PTPRD: variants seen among roughly 807,000 people sequenced by gnomAD.
PTPRD encodes the protein receptor-type tyrosine-protein phosphatase delta.
PTPRD carries 34 observed loss-of-function variants against 214.5 expected under a neutral mutation model. The ratio of observed to expected loss-of-function variants is 0.16; its 90% confidence interval spans 0.12 to 0.21. PTPRD has a LOEUF of 0.21. Ranked by LOEUF, PTPRD falls within the 10% of genes least tolerant of loss-of-function variation. PTPRD has a pLI of 1.00. For missense variants in PTPRD, 2,545 were observed against 2,398.7 expected, an observed-to-expected ratio of 1.06 and a Z score of -1.27; for synonymous variants, 1,128 against 845.7, an observed-to-expected ratio of 1.33 and a Z score of -5.79.
intron 10 of PTPRD, among the ~76,000 whole-genome samples, chr9:9,044,538 T>C: frequency 6.6e-6 from 1 of 152,224 alleles, no homozygotes; most frequent in East Asian, 1.9e-4. Context: ...TAGGCATTTC[T>C]GTTTCTTCCA....
chr9:10,147,732 T>C (rs2099033243), intron 3 of PTPRD, among the ~76,000 whole-genome samples: 1 of 151,974 alleles, frequency 6.6e-6, no homozygotes, highest in South Asian at 2.1e-4. Flanking sequence ...ATAGAAAAAT[T>C]AGCCAGGCAT....
chr9:9,106,722 G>C (rs1217340404), intron 10 of PTPRD, among the ~76,000 whole-genome samples: 1 of 150,994 alleles, frequency 6.6e-6, no homozygotes, highest in Non-Finnish European at 1.5e-5. Flanking sequence ...CTCTGTAGTT[G>C]GTGATTTAAA....
chr9:8,483,576 C>A (rs1260189068), intron 30 of PTPRD, among the ~76,000 whole-genome samples: 1 of 152,104 alleles, frequency 6.6e-6, no homozygotes. Context: ...CACGGTGAAA[C>A]CCGGTCTCTA....
chr9:8,658,511 C>T (rs2096959926), intron 12 of PTPRD, among the ~76,000 whole-genome samples: 1 of 151,974 alleles, frequency 6.6e-6, no homozygotes, highest in African/African-American at 2.4e-5. Context: ...TCTATTAGTA[C>T]CAGTAGCCAA....
chr9:10,514,761 A>C (rs758487559), intron 2 of PTPRD, among the ~76,000 whole-genome samples: 1 of 152,046 alleles, frequency 6.6e-6, no homozygotes, highest in Non-Finnish European at 1.5e-5. Context: ...TTTGTTGTTG[A>C]TGTATCCAGA....
At chr9:8,670,603 C>T (rs963301533) in intron 12 of PTPRD, among the ~76,000 whole-genome samples, 5 of 152,112 alleles carry the variant, frequency 3.3e-5, no homozygotes, top group Admixed American at 2.0e-4. Flanking sequence ...CCCATACTTT[C>T]GCGTTCTAAA....
intron 9 of PTPRD, among the ~76,000 whole-genome samples, chr9:9,274,050 A>G (rs778973393): frequency 2.0e-4 from 30 of 151,338 alleles, no homozygotes; most frequent in Non-Finnish European, 2.2e-4. Context: ...TTTTATGAAC[A>G]GGTCTTGCAC....
chr9:9,930,246 G>A (rs186566443), intron 5 of PTPRD, among the ~76,000 whole-genome samples: 1 of 152,252 alleles, frequency 6.6e-6, no homozygotes, highest in East Asian at 1.9e-4. Context: ...ATTAGAGTGT[G>A]CCTTTGGTTA....
chr9:9,030,258 ACAT>A (rs2099600311), intron 10 of PTPRD, among the ~76,000 whole-genome samples: 1 of 131,746 alleles, frequency 7.6e-6, no homozygotes, highest in African/African-American at 2.9e-5. Context: ...CCTTTGGATC[ACAT>A]GGGCCACACT....
chr9:9,453,328 A>G (rs1000012064), intron 8 of PTPRD, among the ~76,000 whole-genome samples: 4 of 151,382 alleles, frequency 2.6e-5, no homozygotes, highest in Non-Finnish European at 5.9e-5. Flanking sequence ...ATAAGCAAAT[A>G]TTAAAAGTAA....
chr9:8,507,106 T>C (rs1420812061), intron 22 of PTPRD, among the ~76,000 whole-genome samples, 195 bp downstream of exon 22: 1 of 152,078 alleles, frequency 6.6e-6, no homozygotes, highest in Non-Finnish European at 1.5e-5. Flanking sequence ...AAATAACCAC[T>C]GTTTTTTGTC....
intron 12 of PTPRD, among the ~76,000 whole-genome samples, chr9:8,704,106 C>A (rs1375186291): frequency 1.3e-5 from 2 of 152,136 alleles, no homozygotes; most frequent in Non-Finnish European, 2.9e-5. Flanking sequence ...CCACAGCCAC[C>A]ATAAGAGTAG....
At chr9:8,768,317 G>A (rs1406057496) in intron 11 of PTPRD, among the ~76,000 whole-genome samples, 2 of 152,202 alleles carry the variant, frequency 1.3e-5, no homozygotes, top group African/African-American at 2.4e-5. Context: ...TTGGGAGGCT[G>A]ATGCAGGTGG....
intron 9 of PTPRD, among the ~76,000 whole-genome samples, chr9:9,249,882 G>T (rs1199094971): frequency 6.6e-6 from 1 of 152,044 alleles, no homozygotes; most frequent in Non-Finnish European, 1.5e-5. Flanking sequence ...TTCAGGTAAT[G>T]AATTATAGTT....
At chr9:10,421,946 G>T (rs1172202658) in intron 2 of PTPRD, among the ~76,000 whole-genome samples, 1 of 151,914 alleles carries the variant, frequency 6.6e-6, no homozygotes, top group Non-Finnish European at 1.5e-5. Context: ...TTATAGATTA[G>T]TATGGAGAAT....
chr9:9,774,834 G>C (rs532463049), intron 5 of PTPRD, among the ~76,000 whole-genome samples: 1 of 152,286 alleles, frequency 6.6e-6, no homozygotes, highest in Non-Finnish European at 1.5e-5. Flanking sequence ...GTCTCCAGGA[G>C]GGTTAATCGT....
intron 9 of PTPRD, among the ~76,000 whole-genome samples, chr9:9,248,031 T>C (rs78595180): frequency 1.3e-5 from 2 of 152,074 alleles, no homozygotes; most frequent in Non-Finnish European, 2.9e-5. Context: ...ACTGTAGGTA[T>C]TGAGTAACGT....
chr9:10,458,751 T>C (rs547211901), intron 2 of PTPRD, among the ~76,000 whole-genome samples: 8 of 152,090 alleles, frequency 5.3e-5, no homozygotes, highest in Non-Finnish European at 1.2e-4. Context: ...AAAAATTATC[T>C]GTATTTGCAA....
intron 8 of PTPRD, among the ~76,000 whole-genome samples, chr9:9,509,817 T>TA (rs1347903174): frequency 6.6e-6 from 1 of 151,538 alleles, no homozygotes. Context: ...AAAAAAACAT[T>TA]AAAAAATATT....
Sources: gnomAD v4.1 joint callset for allele counts (sites outside exome capture counted in the v4.1 genomes callset) on GRCh38, gnomAD v4.1.1 for gene constraint, MANE v1.5 for transcripts, NCBI Gene and HGNC (gene_info 2026-07-23, HGNC 2026-07-21) for gene names.